FANCA: variants seen among roughly 807,000 people sequenced by gnomAD.
The protein encoded by FANCA is FA complementation group A.
Under a neutral mutation model 194.3 loss-of-function variants are expected in FANCA, and 236 were observed. That is an observed-to-expected ratio of 1.21 (90% CI 1.09 to 1.35). The LOEUF (loss-of-function observed/expected upper bound fraction) is 1.35. FANCA is among the 40% of genes most tolerant of loss of function. The pLI, the probability that FANCA is intolerant of heterozygous loss-of-function variation, is 0.00. For missense variants in FANCA, 2,628 were observed against 1,813.9 expected, an observed-to-expected ratio of 1.45 and a Z score of -8.15; for synonymous variants, 1,014 against 715.8, an observed-to-expected ratio of 1.42 and a Z score of -6.65.
intron 27 of FANCA, among the ~76,000 whole-genome samples, chr16:89,765,583 C>T (rs2039099546): frequency 6.6e-6 from 1 of 152,256 alleles, no homozygotes; most frequent in Non-Finnish European, 1.5e-5. Context: ...GGCAGTGAAA[C>T]AGCCCATCTC....
rs34354932 is a variant in FANCA at position 89,803,262 on chromosome 16, C to T, written c.789G>A (p.Pro263=). 8.2e-5 allele frequency: 133 copies of T among 1,613,900 alleles called. No homozygotes were observed. The African/African-American group carries it at 1.0e-3, about 12-fold the overall frequency. The change falls in exon 8 of 43, where the codon CCG becomes CCA. Residue 263 remains proline, a synonymous_variant. Transcript: ENST00000389301. ...TTCACTTGACTTTTCCTCCTACCTG[C>T]GGCATTTTTTCAGGCTCCACAGTTC... is the stretch of plus-strand genomic sequence containing the variant. ...LRRTVEPEKM[P]QVTVDVLQRM... is the part of the protein sequence containing the mutation.
At chr16:89,804,330 G>T (rs1441657802) in intron 7 of FANCA, among the ~76,000 whole-genome samples, 5 of 152,114 alleles carry the variant, frequency 3.3e-5, no homozygotes, top group Non-Finnish European at 7.4e-5. Context: ...GAGGATCTGA[G>T]AACTCACCAA....
chr16:89,798,562 G>C, intron 10 of FANCA: 1 of 1,134,200 alleles, frequency 8.8e-7, no homozygotes, highest in South Asian at 3.3e-5. Flanking sequence ...CACACTAGAG[G>C]GAAGCAAACC....
intron 15 of FANCA, 41 bp downstream of exon 15, chr16:89,784,813 C>T (rs769389027): frequency 8.7e-6 from 13 of 1,490,232 alleles, no homozygotes; most frequent in South Asian, 4.5e-5. Flanking sequence ...AGCAGGTGAG[C>T]GAAGCACCAG....
intron 33 of FANCA, among the ~76,000 whole-genome samples, chr16:89,747,338 A>T (rs2038425755): frequency 6.6e-6 from 1 of 152,182 alleles, no homozygotes; most frequent in African/African-American, 2.4e-5. Context: ...CATTCATAAG[A>T]ATTCAAAGGA....
At chr16:89,739,621 C>G (rs1377623774) in intron 39 of FANCA, 68 bp from the exon 40 acceptor site, 6 of 1,530,560 alleles carry the variant, frequency 3.9e-6, no homozygotes, top group Non-Finnish European at 5.3e-6. Flanking sequence ...TGGGGACACC[C>G]CTGGGGGTCG....
chr16:89,760,588 C>T (rs2038919812), intron 29 of FANCA, among the ~76,000 whole-genome samples: 1 of 152,198 alleles, frequency 6.6e-6, no homozygotes, highest in Admixed American at 6.5e-5. Context: ...CTAAACTCCA[C>T]ACCCTTAAAC....
intron 3 of FANCA, among the ~76,000 whole-genome samples, chr16:89,811,837 T>G (rs905754143): frequency 3.3e-5 from 5 of 152,074 alleles, no homozygotes; most frequent in African/African-American, 1.2e-4. Context: ...TTCAAGCGAT[T>G]CTCCTGCCTC....
chr16:89,740,932 T>C, intron 37 of FANCA, 66 bp from the exon 38 acceptor site: 1 of 1,396,562 alleles, frequency 7.2e-7, no homozygotes, highest in South Asian at 1.2e-5. Flanking sequence ...TAAATAAGGC[T>C]GACACATTCC....
chr16:89,804,223 G>A lies in FANCA; in HGVS notation c.710-882C>T, dbSNP rs565017448. ...AAAAGGAAAAAACCCACAAGCTACT[G>A]TACAGATCAGTTTCTCATCTAATTT... is the stretch of plus-strand genomic sequence containing the variant. On this transcript the variant is annotated intron_variant, in intron 7 of 42. Transcript: ENST00000389301. Among the ~76,000 whole-genome samples the A allele has an allele frequency of 7.9e-5, 12 of 152,238 alleles. No individual in the cohort carries two copies. In the South Asian group the frequency reaches 2.3e-3, roughly 29 times the overall value.
chr16:89,816,083 C>G, intron 1 of FANCA, 97 bp from the exon 2 acceptor site: 1 of 887,714 alleles, frequency 1.1e-6, no homozygotes, highest in Non-Finnish European at 1.9e-6. Flanking sequence ...AACCCACCAG[C>G]GACACCCTCC....
rs1234246540 is a variant in FANCA, at chr16:89,764,984, G to A, written c.2684C>T (p.Pro895Leu). Residue 895 changes from proline to leucine, a missense_variant, in exon 28 of 43, where the codon CCC becomes CTC. Coordinates refer to ENST00000389301, the MANE Select transcript of FANCA (RefSeq NM_000135.4). The stretch of plus-strand genomic sequence containing the variant: ...CCAGTCTGCAGAAGGAAGGTGCAAG[G>A]GTCTCCAGGAAAGGCTGGCTACGTC... ...EEDVASLSWR[P>L]LHLPSADWQR... The A allele has an allele frequency of 2.5e-6, 4 of 1,614,100 alleles. No homozygotes were observed. Among genetic ancestry groups the A allele is most frequent in the African/African-American group, 1.3e-5 (1 of 74,934 alleles).
intron 37 of FANCA, 105 bp from the exon 38 acceptor site, chr16:89,740,971 C>G: frequency 9.7e-7 from 1 of 1,028,708 alleles, no homozygotes; most frequent in Admixed American, 2.0e-5. Flanking sequence ...TACATCTAGG[C>G]CATAAATCCT....
At chr16:89,739,086 C>A in intron 41 of FANCA, 47 bp downstream of exon 41, 1 of 1,613,884 alleles carries the variant, frequency 6.2e-7, no homozygotes, top group African/African-American at 1.3e-5. Context: ...AAGGAGCCTC[C>A]GGCTGGGGGG....
chr16:89,798,967 C>A (rs770657759), intron 10 of FANCA, 199 bp downstream of exon 10: 3 of 1,613,092 alleles, frequency 1.9e-6, no homozygotes, highest in East Asian at 4.5e-5. Context: ...ACCTCATCCT[C>A]ACAGGAAAAG....
chr16:89,777,543 G>C (rs549136417), intron 20 of FANCA, among the ~76,000 whole-genome samples: 1 of 150,894 alleles, frequency 6.6e-6, no homozygotes, highest in African/African-American at 2.4e-5. Flanking sequence ...GGCCAACATA[G>C]TGAAACCCTG....
intron 17 of FANCA, among the ~76,000 whole-genome samples, chr16:89,780,578 C>G (rs893319325): frequency 2.0e-5 from 3 of 151,282 alleles, no homozygotes; most frequent in Admixed American, 6.6e-5. Context: ...AAGCCATCAT[C>G]ATGCTACCCT....
rs539759526 is a variant in FANCA, at chr16:89,754,314, A to T, written c.2982-2092T>A. On this transcript the variant is annotated intron_variant, in intron 30 of 42. Coordinates refer to ENST00000389301, the MANE Select transcript of FANCA (RefSeq NM_000135.4). The stretch of plus-strand genomic sequence containing the variant: ...CAATTCAACAAGAAAAAGAAAAAGC[A>T]TCCAGATAGGAAAGGAAAAAGTGAA... Among the ~76,000 whole-genome samples the T allele has an allele frequency of 3.3e-5, 5 of 152,138 alleles. No homozygotes were observed. In the South Asian group the frequency reaches 8.3e-4, roughly 25 times the overall value.
chr16:89,780,655 G>A (rs951934124), intron 17 of FANCA, among the ~76,000 whole-genome samples: 12 of 151,276 alleles, frequency 7.9e-5, no homozygotes, highest in African/African-American at 2.7e-4. Context: ...GAGGCCAGGC[G>A]CGGCAGCTCA....
Sources: allele counts gnomAD v4.1 joint callset (sites outside exome capture counted in the v4.1 genomes callset), GRCh38; gene constraint gnomAD v4.1.1; transcripts MANE v1.5; gene names NCBI Gene and HGNC (gene_info 2026-07-23, HGNC 2026-07-21).